ERMP1: variants seen among roughly 807,000 people sequenced by gnomAD.
The protein encoded by ERMP1 is Felix-ina.
A neutral mutation model predicts 92.0 loss-of-function variants in ERMP1; 86 were observed. The ratio of observed to expected loss-of-function variants is 0.93; its 90% CI spans 0.79 to 1.12. The LOEUF is 1.12. Among genes scored for constraint, ERMP1 ranks in the 50% most tolerant of loss-of-function variants. The pLI, the probability that ERMP1 is intolerant of heterozygous loss-of-function variation, is 0.00. For synonymous variants in ERMP1, 530 were observed against 412.8 expected (o/e 1.28, Z -3.44); for missense variants, 1,342 against 1,116.3 (o/e 1.20, Z -2.88).
rs935231853 is a variant in ERMP1 at position 5,812,134 on chromosome 9, G to C, written c.1105C>G (p.Gln369Glu). The C allele has an allele frequency of 6.2e-7, 1 of 1,600,054 alleles. No individual in the cohort carries two copies. Among genetic ancestry groups the C allele is most frequent in the Non-Finnish European group, 8.5e-7 (1 of 1,171,634 alleles). Reference sequence around the variant, plus strand: ...AAATTGGAATACCAACCTGCTCTCTGAATGGAATCTGTTAGAATTCTGTCC... The same window carrying C: ...AAATTGGAATACCAACCTGCTCTCTCAATGGAATCTGTTAGAATTCTGTCC... The part of the protein sequence containing the change: ...TADRILTDSI[Q>E]RAGDNILAVL... Residue 369 changes from glutamine to glutamate, a missense_variant, in exon 6 of 15, where the codon CAG becomes GAG. By Grantham distance (29) the Gln-to-Glu change is conservative. Coordinates refer to ENST00000339450, the MANE Select transcript of ERMP1 (RefSeq NM_024896.3).
At chr9:5,803,614 T>C (rs1272197007) in intron 10 of ERMP1, among the ~76,000 whole-genome samples, 2 of 152,204 alleles carry the variant, frequency 1.3e-5, no homozygotes, top group Non-Finnish European at 2.9e-5. Flanking sequence ...ATTCAGTTCA[T>C]AACTAGTTGA....
At position 5,786,969 on chromosome 9, in the gene ERMP1, C is replaced by T. The variant is rs989832367; in HGVS notation, c.*175G>A. ...AGTGTCAACAGGCCATGCATCACTG[C>T]GCCACAGCTAAACCCTTATAGTGCT... On this transcript the variant is annotated 3_prime_UTR_variant, in exon 15 of 15. Transcript: ENST00000339450. 1.0e-5 allele frequency: 6 copies of T among 578,872 alleles called. No homozygotes were observed. The highest frequency in any genetic ancestry group is 6.6e-5 in the East Asian group (2 of 30,488). The allele number at this position is 578,872 out of a possible 1,614,324, so 35.9% of individuals were successfully genotyped here.
intron 2 of ERMP1, among the ~76,000 whole-genome samples, chr9:5,830,244 T>G (rs1411155389): frequency 1.3e-5 from 2 of 152,166 alleles, no homozygotes; most frequent in African/African-American, 4.8e-5. Flanking sequence ...GTGTGGCCCA[T>G]GACAATTCTT....
At chr9:5,819,894 T>C (rs1829464715) in intron 4 of ERMP1, among the ~76,000 whole-genome samples, 2 of 152,038 alleles carry the variant, frequency 1.3e-5, no homozygotes, top group Admixed American at 6.6e-5. Flanking sequence ...TGCTAATGAG[T>C]TTCCTATTTG....
chr9:5,859,120 C>T (rs1278820313), intron 6 of ERMP1, among the ~76,000 whole-genome samples: 1 of 152,178 alleles, frequency 6.6e-6, no homozygotes, highest in African/African-American at 2.4e-5. Flanking sequence ...CCTCTGACTC[C>T]AAGTCATGTC....
rs1023697298 is a variant in ERMP1 at position 5,818,327 on chromosome 9, T to C, written c.875-5292A>G. Among the ~76,000 whole-genome samples, 7 of 152,154 alleles carry C rather than the reference T, an allele frequency of 4.6e-5. No homozygotes were observed. The South Asian group carries it at 6.2e-4, about 14-fold the overall frequency. The stretch of plus-strand genomic sequence containing the variant: ...CTGCATGCAAATGGAAATGATCCTA[T>C]AGAGAGAGAAAAATTAATGATGGAA... On this transcript the variant is annotated intron_variant, in intron 4 of 14. Transcript: ENST00000339450.
chr9:5,834,703 A>ATGTGTGTGTGTGTGTGTGTG (rs766269385), upstream of ERMP1, among the ~76,000 whole-genome samples: 14 of 122,900 alleles, frequency 1.1e-4, no homozygotes, highest in African/African-American at 1.5e-4. Context: ...GTATGTATAT[A>ATGTGTGTGTGTGTGTGTGTG]TGTGTGTGTG....
chr9:5,825,006 C>G lies in ERMP1; in HGVS notation c.768+86G>C, dbSNP rs1010263211. 2.1e-5 allele frequency: 28 copies of G among 1,327,296 alleles called. No individual in the cohort carries two copies. In the African/African-American group the frequency reaches 3.6e-4, roughly 17 times the overall value. 82.2% of individuals were successfully genotyped at this position (1,327,296 alleles called of 1,614,324 possible). A position where few individuals can be genotyped will look rare whatever the true frequency, so the allele number is the denominator to read the frequency against. On this transcript the variant is annotated intron_variant, in intron 3 of 14. Transcript: ENST00000339450. Reference sequence around the variant, plus strand: ...CTACCCACAGGAGTCATAAAAAATGCATTTACTATTTAGTAAATAATATTT... The same window carrying G: ...CTACCCACAGGAGTCATAAAAAATGGATTTACTATTTAGTAAATAATATTT...
chr9:5,858,643 G>C (rs539866774), intron 6 of ERMP1, among the ~76,000 whole-genome samples: 82 of 152,338 alleles, frequency 5.4e-4, no homozygotes, highest in African/African-American at 1.8e-3. Flanking sequence ...TCCAAAGAGA[G>C]ACTCAAAAGC....
chr9:5,822,187 G>A (rs1312286696), intron 4 of ERMP1, among the ~76,000 whole-genome samples: 1 of 152,024 alleles, frequency 6.6e-6, no homozygotes, highest in Admixed American at 6.6e-5. Flanking sequence ...TCAAGGCAGA[G>A]GTTGCAGTGA....
At chr9:5,804,964 G>T in intron 10 of ERMP1, 63 bp downstream of exon 10, 1 of 1,285,232 alleles carries the variant, frequency 7.8e-7, no homozygotes, top group Non-Finnish European at 1.1e-6. Context: ...ACAGAATCTA[G>T]TATGGCTAAA....
At chr9:5,844,989 T>A (rs1830217457) in intron 6 of ERMP1, among the ~76,000 whole-genome samples, 1 of 152,098 alleles carries the variant, frequency 6.6e-6, no homozygotes, top group Non-Finnish European at 1.5e-5. Flanking sequence ...TTTAGCTTGG[T>A]TTCCTGCCAA....
chr9:5,835,878 TTTTA>T (rs1324897251), upstream of ERMP1, among the ~76,000 whole-genome samples: 5 of 152,248 alleles, frequency 3.3e-5, no homozygotes, highest in African/African-American at 9.6e-5. Flanking sequence ...TGATCTATAA[TTTTA>T]TTTGTGTTAA....
intron 4 of ERMP1, among the ~76,000 whole-genome samples, 154 bp downstream of exon 4, chr9:5,823,742 A>T (rs1165410057): frequency 7.2e-5 from 11 of 152,092 alleles, no homozygotes; most frequent in Non-Finnish European, 1.5e-4. Context: ...TTGGTTCAAA[A>T]TTTTTAACAA....
chr9:5,799,154 G>A lies in ERMP1; in HGVS notation c.2068-146C>T, dbSNP rs369113149. On this transcript the variant is annotated intron_variant, in intron 11 of 14. Coordinates refer to ENST00000339450, the MANE Select transcript of ERMP1 (RefSeq NM_024896.3). ...AGACACTGAGAGTTTCTAAGGTACT[G>A]CTAGCGTTCTTTATTTTAAACTGGA... The A allele has an allele frequency of 1.0e-5, 6 of 595,490 alleles. No individual in the cohort carries two copies. In the East Asian group the frequency reaches 1.7e-4, roughly 17 times the overall value. 36.9% of individuals were successfully genotyped at this position (595,490 alleles called of 1,614,324 possible).
chr9:5,860,526 G>A (rs1018971154), intron 5 of ERMP1, among the ~76,000 whole-genome samples: 10 of 152,016 alleles, frequency 6.6e-5, no homozygotes, highest in Admixed American at 5.9e-4. Flanking sequence ...TGCTCATAAC[G>A]TAACCAATGG....
At position 5,812,234 on chromosome 9, in the gene ERMP1, GA is replaced by G. The variant is rs749695805; in HGVS notation, c.1022-18del. On this transcript the variant is annotated intron_variant, in intron 5 of 14. Transcript: ENST00000339450. The stretch of plus-strand genomic sequence containing the variant: ...AGTCTATTCCTAAAACATATATATA[GA>G]AAAAAAAAAGTCATTTTGCTTTAAA... 1,995 of 1,321,970 alleles carry G rather than the reference GA, an allele frequency of 1.5e-3. No homozygotes were observed. Among genetic ancestry groups the G allele is most frequent in the South Asian group, 3.8e-3 (269 of 70,004 alleles). 81.9% of individuals were successfully genotyped at this position (1,321,970 alleles called of 1,614,324 possible).
chr9:5,816,320 TTC>T (rs1381134734), intron 4 of ERMP1, among the ~76,000 whole-genome samples: 2 of 152,236 alleles, frequency 1.3e-5, no homozygotes, highest in Non-Finnish European at 2.9e-5. Flanking sequence ...GTGATCAATG[TTC>T]TGTTACAGAA....
intron 4 of ERMP1, among the ~76,000 whole-genome samples, chr9:5,814,270 T>C (rs1437066246): frequency 6.6e-6 from 1 of 152,122 alleles, no homozygotes. Flanking sequence ...GAAACCAAAA[T>C]GCAACACGAG....
Sources: gnomAD v4.1 joint callset for allele counts (sites outside exome capture counted in the v4.1 genomes callset) on GRCh38, gnomAD v4.1.1 for gene constraint, MANE v1.5 for transcripts, NCBI Gene and HGNC (gene_info 2026-07-23, HGNC 2026-07-21) for gene names.